EMP2: variants seen among roughly 807,000 people sequenced by gnomAD.
EMP2 encodes the protein epithelial membrane protein 2.
In EMP2, 19 loss-of-function variants were observed where a neutral mutation model predicts 13.7. The ratio of observed to expected loss-of-function variants is 1.38; its 90% CI spans 0.97 to 2.03. The LOEUF (loss-of-function observed/expected upper bound fraction) is 2.03. Ranked by LOEUF, EMP2 falls within the 30% of genes most tolerant of loss-of-function variation. The pLI is 0.00. For missense variants in EMP2, 253 were observed against 220.7 expected (o/e 1.15, Z -0.93); for synonymous variants, 97 against 84.7 (o/e 1.15, Z -0.80).
At chr16:10,534,765 C>CA (rs1216396220) in intron 4 of EMP2, among the ~76,000 whole-genome samples, 1 of 151,920 alleles carries the variant, frequency 6.6e-6, no homozygotes, top group Non-Finnish European at 1.5e-5. Context: ...AACCCTATCT[C>CA]AAAAAATAAA....
intron 1 of EMP2, among the ~76,000 whole-genome samples, chr16:10,553,111 G>A (rs2050800388): frequency 6.6e-6 from 1 of 152,222 alleles, no homozygotes; most frequent in African/African-American, 2.4e-5. Flanking sequence ...CCGAGGCTTT[G>A]GAGGAAGTTA....
chr16:10,537,258 G>C (rs1433641928), intron 4 of EMP2, among the ~76,000 whole-genome samples: 3 of 152,274 alleles, frequency 2.0e-5, no homozygotes, highest in Non-Finnish European at 4.4e-5. Flanking sequence ...CTTAAGCCTT[G>C]CTAAAATTCC....
chr16:10,550,338 A>G (rs569930953), intron 1 of EMP2, among the ~76,000 whole-genome samples: 1 of 152,246 alleles, frequency 6.6e-6, no homozygotes, highest in South Asian at 2.1e-4. Flanking sequence ...CCAGGATCCA[A>G]TCCAAGCTGA....
chr16:10,567,630 G>A (rs915735139), intron 1 of EMP2, among the ~76,000 whole-genome samples: 1 of 152,168 alleles, frequency 6.6e-6, no homozygotes, highest in African/African-American at 2.4e-5. Flanking sequence ...GGCTTTAGCA[G>A]GATGGGACAC....
chr16:10,572,541 T>G (rs2050955594), intron 1 of EMP2, among the ~76,000 whole-genome samples: 1 of 152,176 alleles, frequency 6.6e-6, no homozygotes, highest in South Asian at 2.1e-4. Flanking sequence ...GAGTCCATCT[T>G]TGTTCACTAC....
At chr16:10,577,534 G>A (rs1409229116) in intron 1 of EMP2, among the ~76,000 whole-genome samples, 4 of 152,096 alleles carry the variant, frequency 2.6e-5, no homozygotes, top group African/African-American at 4.8e-5. Context: ...GGGGTGAGAA[G>A]GGGAGACTGC....
chr16:10,553,002 G>T (rs2050799725), intron 1 of EMP2, among the ~76,000 whole-genome samples: 1 of 152,156 alleles, frequency 6.6e-6, no homozygotes, highest in Non-Finnish European at 1.5e-5. Flanking sequence ...AGAAGTAAAG[G>T]TCTCCTATGA....
intron 3 of EMP2, among the ~76,000 whole-genome samples, chr16:10,538,978 A>T (rs765566812): frequency 6.6e-6 from 1 of 151,606 alleles, no homozygotes; most frequent in African/African-American, 2.4e-5. Context: ...GCTAATTTTT[A>T]AAAAATTTTT....
chr16:10,573,540 C>G (rs542760821), intron 1 of EMP2, among the ~76,000 whole-genome samples: 1 of 152,192 alleles, frequency 6.6e-6, no homozygotes, highest in Non-Finnish European at 1.5e-5. Flanking sequence ...TCTGACCCCC[C>G]ACAGCCAAAG....
intron 4 of EMP2, among the ~76,000 whole-genome samples, chr16:10,536,598 A>G (rs1452735516): frequency 6.6e-6 from 1 of 152,170 alleles, no homozygotes; most frequent in African/African-American, 2.4e-5. Flanking sequence ...CTGTAAGTCC[A>G]TTAAGCCTCT....
intron 1 of EMP2, among the ~76,000 whole-genome samples, chr16:10,569,895 G>A (rs2050935356): frequency 6.6e-6 from 1 of 152,144 alleles, no homozygotes. Context: ...GGCCTGATGT[G>A]GCTCCAGACA....
At chr16:10,538,492 G>A (rs1348514577) in intron 3 of EMP2, among the ~76,000 whole-genome samples, 1 of 152,172 alleles carries the variant, frequency 6.6e-6, no homozygotes. Flanking sequence ...CATGGACTCA[G>A]GGCTCATGGG....
intron 1 of EMP2, among the ~76,000 whole-genome samples, chr16:10,560,760 G>A (rs1203117843): frequency 2.0e-5 from 3 of 152,160 alleles, no homozygotes; most frequent in East Asian, 1.9e-4. Context: ...AAGGATGGGC[G>A]GAGTGGTGGG....
At chr16:10,555,864 G>A (rs188591807) in intron 1 of EMP2, among the ~76,000 whole-genome samples, 98 of 152,292 alleles carry the variant, frequency 6.4e-4, no homozygotes, top group Middle Eastern at 3.4e-3. Context: ...TGGGATTATA[G>A]GCATGAGCCA....
chr16:10,578,459 A>G (rs1307774972), intron 1 of EMP2, among the ~76,000 whole-genome samples: 2 of 152,206 alleles, frequency 1.3e-5, no homozygotes, highest in Admixed American at 6.5e-5. Context: ...TGTGCTCCAT[A>G]GCCACAATAA....
At chr16:10,543,398 T>A (rs887388169) in intron 3 of EMP2, among the ~76,000 whole-genome samples, 172 bp downstream of exon 3, 6 of 152,250 alleles carry the variant, frequency 3.9e-5, no homozygotes, top group African/African-American at 1.4e-4. Context: ...CCCTGGCATC[T>A]CCAGCTTGTG....
At chr16:10,539,579 G>A (rs1328396595) in intron 3 of EMP2, among the ~76,000 whole-genome samples, 2 of 152,138 alleles carry the variant, frequency 1.3e-5, no homozygotes, top group Admixed American at 6.6e-5. Flanking sequence ...GGGGCCCGAG[G>A]AACTTTCTGG....
intron 1 of EMP2, among the ~76,000 whole-genome samples, chr16:10,555,491 A>T (rs571514976): frequency 1.8e-4 from 27 of 152,222 alleles, no homozygotes; most frequent in Non-Finnish European, 3.2e-4. Context: ...ATCTACATAA[A>T]ATGATGATTT....
At position 10,563,787 on chromosome 16, in the gene EMP2, G is replaced by T. The variant is rs192950516; in HGVS notation, c.-60-16110C>A. Among the ~76,000 whole-genome samples the T allele has an allele frequency of 2.1e-4, 32 of 152,304 alleles. 1 individual carries two copies. The highest frequency in any genetic ancestry group is 2.0e-3 in the Admixed American group (31 of 15,306). The stretch of plus-strand genomic sequence containing the variant: ...TCCCTATTTCTCCACTCTAAAGTGG[G>T]GATGACATTGGTATCCCTACCCCTT... On this transcript the variant is annotated intron_variant, in intron 1 of 4. Coordinates refer to ENST00000359543, the MANE Select transcript of EMP2 (RefSeq NM_001424.6).
Sources: allele counts gnomAD v4.1 joint callset (sites outside exome capture counted in the v4.1 genomes callset), GRCh38; gene constraint gnomAD v4.1.1; transcripts MANE v1.5; gene names NCBI Gene and HGNC (gene_info 2026-07-23, HGNC 2026-07-21).